The following ELOVL4 variants were observed in gnomAD, a reference collection of about 807,000 sequenced individuals.
ELOVL4 encodes very long chain fatty acid elongase 4.
ELOVL4 carries 18 observed loss-of-function variants against 42.1 expected under a neutral mutation model. That is an observed-to-expected ratio of 0.43 (90% CI 0.30 to 0.63). The LOEUF (loss-of-function observed/expected upper bound fraction) is 0.63. Among genes scored for constraint, ELOVL4 ranks in the 30% least tolerant of loss-of-function variants. The probability of loss-of-function intolerance (pLI) is 0.15; values close to 1 mark genes in which losing one functional copy is unlikely to be tolerated. For missense variants in ELOVL4, 299 were observed against 376.2 expected (o/e 0.79, Z 1.70); for synonymous variants, 117 against 127.0 (o/e 0.92, Z 0.53).
chr6:79,922,271 C>CCTCACCCT (rs1774272222), intron 3 of ELOVL4, among the ~76,000 whole-genome samples: 2 of 152,064 alleles, frequency 1.3e-5, no homozygotes, highest in Non-Finnish European at 2.9e-5. Flanking sequence ...CCCTCACCTC[C>CCTCACCCT]CTCTCTCCCT....
chr6:79,924,523 T>C (rs1024097976), intron 3 of ELOVL4, among the ~76,000 whole-genome samples: 3 of 152,200 alleles, frequency 2.0e-5, no homozygotes, highest in Admixed American at 6.6e-5. Flanking sequence ...AACAATCTAG[T>C]ATAATTTCAC....
At position 79,947,290 on chromosome 6, in the gene ELOVL4, A is replaced by G. The variant is rs1168006967; in HGVS notation, c.-11T>C. 6.2e-7 allele frequency: 1 copy of G among 1,606,832 alleles called. No individual in the cohort carries two copies. On this transcript the variant is annotated 5_prime_UTR_variant, in exon 1 of 6. Transcript: ENST00000369816. ...GTCCAGGAGCCCCATCGCGGCGATG[A>G]GCGGGCGCTGGCGGCAGGAGAAAGC...
intron 1 of ELOVL4, among the ~76,000 whole-genome samples, chr6:79,946,438 G>C (rs1368635931): frequency 6.6e-6 from 1 of 152,134 alleles, no homozygotes. Context: ...AGGCATCTGG[G>C]ACAACCTCTA....
intron 3 of ELOVL4, among the ~76,000 whole-genome samples, chr6:79,923,100 C>T (rs1774285414): frequency 6.6e-6 from 1 of 152,110 alleles, no homozygotes; most frequent in South Asian, 2.1e-4. Flanking sequence ...TCTACATTTG[C>T]CACAATTCAC....
In ELOVL4 at chr6:79,915,184, C is replaced by T. The variant is rs912265951; in HGVS notation, c.*1424G>A. On this transcript the variant is annotated 3_prime_UTR_variant, in exon 6 of 6. Transcript: ENST00000369816. ...TTTTTTTTGGTCACATTTTGTCTTT[C>T]TCTAGTAATCCCTTTGCAACATCCC... 2.0e-5 allele frequency: 3 copies of T among 152,124 alleles called. No homozygotes were observed. The highest frequency in any genetic ancestry group is 4.4e-5 in the Non-Finnish European group (3 of 67,952). The allele number at this position is 152,124 out of a possible 1,614,324, so 9.4% of individuals were successfully genotyped here.
At chr6:79,917,821 C>T (rs779632646) in intron 5 of ELOVL4, among the ~76,000 whole-genome samples, 5 of 149,886 alleles carry the variant, frequency 3.3e-5, no homozygotes, top group Admixed American at 6.6e-5. Flanking sequence ...AACTCCGTCC[C>T]AAAAAAAGAA....
intron 1 of ELOVL4, among the ~76,000 whole-genome samples, chr6:79,932,316 G>T (rs1270334484): frequency 6.6e-6 from 1 of 152,012 alleles, no homozygotes; most frequent in East Asian, 1.9e-4. Flanking sequence ...CGAGGCAGGC[G>T]AATCACTTGA....
At position 79,946,158 on chromosome 6, in the gene ELOVL4, G is replaced by GATGC. The variant is rs539649668; in HGVS notation, c.100+1018_100+1021dup. 2.1e-4 allele frequency among the ~76,000 whole-genome samples: 32 copies of GATGC among 152,280 alleles called. 1 individual carries two copies. The South Asian group carries it at 6.6e-3, about 32-fold the overall frequency. On this transcript the variant is annotated intron_variant, in intron 1 of 5. Coordinates refer to ENST00000369816, the MANE Select transcript of ELOVL4 (RefSeq NM_022726.4). ...GAACGTTAATATCCTTCACTGATAG[G>GATGC]ATGCAGTGTGATACTGCAAAAGGAC...
At chr6:79,926,557 T>A (rs568423747) in intron 1 of ELOVL4, among the ~76,000 whole-genome samples, 176 bp from the exon 2 acceptor site, 2 of 152,318 alleles carry the variant, frequency 1.3e-5, no homozygotes, top group African/African-American at 4.8e-5. Context: ...CAATACTGAC[T>A]CCTGCAAGTG....
intron 3 of ELOVL4, among the ~76,000 whole-genome samples, chr6:79,923,485 CAA>C (rs1774291621): frequency 1.3e-5 from 2 of 152,194 alleles, no homozygotes; most frequent in African/African-American, 4.8e-5. Flanking sequence ...GTCAGTCAGT[CAA>C]ACACTTATCC....
intron 1 of ELOVL4, among the ~76,000 whole-genome samples, chr6:79,935,003 C>A (rs747055848): frequency 2.0e-5 from 3 of 152,002 alleles, no homozygotes; most frequent in Non-Finnish European, 2.9e-5. Flanking sequence ...TTTATTTATT[C>A]AGGAGATAAA....
intron 1 of ELOVL4, among the ~76,000 whole-genome samples, chr6:79,945,866 T>C (rs961964220): frequency 6.6e-6 from 1 of 152,174 alleles, no homozygotes; most frequent in African/African-American, 2.4e-5. Flanking sequence ...TAATGGCTTA[T>C]TAAATAGCTT....
chr6:79,937,590 T>C (rs1774566395), intron 1 of ELOVL4, among the ~76,000 whole-genome samples: 1 of 152,060 alleles, frequency 6.6e-6, no homozygotes, highest in African/African-American at 2.4e-5. Context: ...ATAATACATA[T>C]AAAACACTGG....
chr6:79,922,744 T>C (rs1474281094), intron 3 of ELOVL4, among the ~76,000 whole-genome samples: 2 of 152,228 alleles, frequency 1.3e-5, no homozygotes, highest in Non-Finnish European at 2.9e-5. Flanking sequence ...TTGCATTTTA[T>C]ACCTGCACCT....
intron 2 of ELOVL4, among the ~76,000 whole-genome samples, chr6:79,925,503 A>G (rs1207900781): frequency 6.6e-6 from 1 of 152,206 alleles, no homozygotes; most frequent in Non-Finnish European, 1.5e-5. Flanking sequence ...TTTTCCTAGC[A>G]TTACTAGTCA....
intron 1 of ELOVL4, among the ~76,000 whole-genome samples, chr6:79,933,218 G>T (rs1561988310): frequency 6.7e-6 from 1 of 148,294 alleles, no homozygotes. Context: ...ATATTTGATT[G>T]TTTTTGTTTG....
intron 1 of ELOVL4, among the ~76,000 whole-genome samples, chr6:79,929,661 T>G (rs1774411634): frequency 6.6e-6 from 1 of 152,214 alleles, no homozygotes; most frequent in African/African-American, 2.4e-5. Context: ...TAGGTTTATT[T>G]TAACTTCTGA....
At chr6:79,944,408 G>C (rs559476193) in intron 1 of ELOVL4, among the ~76,000 whole-genome samples, 1 of 152,180 alleles carries the variant, frequency 6.6e-6, no homozygotes, top group South Asian at 2.1e-4. Context: ...ATAAACCAAC[G>C]CTAATTTCCT....
Position 79,916,235 on chromosome 6 carries a change from T to C in ELOVL4, c.*373A>G, listed in dbSNP as rs886061800. 4.8e-6 allele frequency: 1 copy of C among 210,000 alleles called. No individual in the cohort carries two copies. Among genetic ancestry groups the C allele is most frequent in the Non-Finnish European group, 9.7e-6 (1 of 103,180 alleles). 13.0% of individuals were successfully genotyped at this position (210,000 alleles called of 1,614,324 possible). ...GATAATTAGTAATTTATCAAAATAA[T>C]TCATAAAGACCGTTTCTGTGATCGT... On this transcript the variant is annotated 3_prime_UTR_variant, in exon 6 of 6. Transcript: ENST00000369816.
Sources: allele counts gnomAD v4.1 joint callset (sites outside exome capture counted in the v4.1 genomes callset), GRCh38; gene constraint gnomAD v4.1.1; transcripts MANE v1.5; gene names NCBI Gene and HGNC (gene_info 2026-07-23, HGNC 2026-07-21).